Variants in CHST4 observed in about 807,000 individuals in gnomAD.
CHST4 encodes GST-3.
For missense variants in CHST4, 466 were observed against 506.0 expected (o/e 0.92, Z 0.76); for synonymous variants, 171 against 195.5 (o/e 0.87, Z 1.05).
Position 71,537,288 on chromosome 16 carries a change from T to C in CHST4, c.611T>C (p.Val204Ala). The C allele has an allele frequency of 1.2e-6, 2 of 1,614,106 alleles. No individual in the cohort carries two copies. The highest frequency in any genetic ancestry group is 1.6e-4 in the Middle Eastern group (1 of 6,062). The change falls in exon 2 of 2, where the codon GTC becomes GCC. Residue 204 changes from valine to alanine, a missense_variant. By Grantham distance (64) the Val-to-Ala change is moderately conservative. Coordinates refer to ENST00000539698, the MANE Select transcript of CHST4 (RefSeq NM_001166395.2). The surrounding 1 kb of genome is among the most constrained non-coding windows in gnomAD (Gnocchi z 4.2). Reference sequence around the variant, plus strand: ...CTCAACCTGCATATCGTGCACCTGGTCCGGGACCCCCGGGCCGTGTTCCGT... The same window carrying C: ...CTCAACCTGCATATCGTGCACCTGGCCCGGGACCCCCGGGCCGTGTTCCGT... ...PSLNLHIVHL[V>A]RDPRAVFRSR...
chr16:71,530,644 G>A (rs1362657972), intron 1 of CHST4, among the ~76,000 whole-genome samples: 4 of 152,032 alleles, frequency 2.6e-5, no homozygotes, highest in Non-Finnish European at 5.9e-5. Flanking sequence ...GGACACACCT[G>A]TGATCCCAGC....
intron 1 of CHST4, among the ~76,000 whole-genome samples, chr16:71,529,042 A>T (rs900512082): frequency 2.0e-5 from 3 of 150,258 alleles, no homozygotes; most frequent in African/African-American, 7.3e-5. Flanking sequence ...TTTTTAAATT[A>T]ATTTTTTGGG....
In CHST4 at chr16:71,538,101, T is replaced by C. The variant is rs991259787; in HGVS notation, c.*263T>C. ...TCTTCTTCTTTTCTTGATCTTCCTG[T>C]CTGGGCAGACTTCAGAGACTTTGTG... On this transcript the variant is annotated 3_prime_UTR_variant, in exon 2 of 2. Transcript: ENST00000539698. 4 of 501,230 alleles carry C rather than the reference T, an allele frequency of 8.0e-6. No individual in the cohort carries two copies. The highest frequency in any genetic ancestry group is 7.7e-5 in the African/African-American group (4 of 51,856). 31.0% of individuals were successfully genotyped at this position (501,230 alleles called of 1,614,324 possible). A position where few individuals can be genotyped will look rare whatever the true frequency, so the allele number is the denominator to read the frequency against.
At chr16:71,533,592 G>A (rs1247703040) in intron 1 of CHST4, among the ~76,000 whole-genome samples, 1 of 152,106 alleles carries the variant, frequency 6.6e-6, no homozygotes, top group Non-Finnish European at 1.5e-5. Flanking sequence ...AGAGGGGACT[G>A]ATTTGTCAGC....
At chr16:71,534,040 CAAA>C (rs573885766) in intron 1 of CHST4, among the ~76,000 whole-genome samples, 12 of 86,330 alleles carry the variant, frequency 1.4e-4, no homozygotes, top group Non-Finnish European at 1.7e-4. Flanking sequence ...GACCCCATCT[CAAA>C]AAAAAAAAAA....
chr16:71,529,372 C>T (rs1440450970), intron 1 of CHST4, among the ~76,000 whole-genome samples: 1 of 151,842 alleles, frequency 6.6e-6, no homozygotes. Context: ...GTAACTGAGA[C>T]GGCATGGGTA....
intron 1 of CHST4, 21 bp from the exon 2 acceptor site, chr16:71,536,639 C>A: frequency 7.2e-7 from 1 of 1,379,590 alleles, no homozygotes. Context: ...CAACTCCACC[C>A]TTTCTGTTTG....
Position 71,537,139 on chromosome 16 carries a change from C to T in CHST4, c.462C>T (p.Leu154=), listed in dbSNP as rs368762631. ...TCATCCCCCGGGCTCACTGCAGGCT[C>T]CTGTGCAGTCAACAGCCCTTTGAGG... is the stretch of plus-strand genomic sequence containing the variant. ...DEIIPRAHCR[L]LCSQQPFEVV... The change falls in exon 2 of 2, where the codon CTC becomes CTT. Residue 154 remains leucine, a synonymous_variant. Coordinates refer to ENST00000539698, the MANE Select transcript of CHST4 (RefSeq NM_001166395.2). The surrounding 1 kb of genome is among the most constrained non-coding windows in gnomAD (Gnocchi z 4.2). 37 of 1,614,026 alleles carry T rather than the reference C, an allele frequency of 2.3e-5. No individual in the cohort carries two copies. Among genetic ancestry groups the T allele is most frequent in the Admixed American group, 1.7e-5 (1 of 59,992 alleles).
chr16:71,528,881 C>T (rs980334929), intron 1 of CHST4, among the ~76,000 whole-genome samples: 5 of 152,166 alleles, frequency 3.3e-5, no homozygotes, highest in African/African-American at 7.2e-5. Flanking sequence ...ACCCATCTGG[C>T]ACCTTCGTGG....
intron 1 of CHST4, among the ~76,000 whole-genome samples, chr16:71,528,686 C>T (rs1396130454): frequency 2.0e-5 from 3 of 152,164 alleles, no homozygotes; most frequent in Non-Finnish European, 4.4e-5. Flanking sequence ...TTGTAAGGGG[C>T]ATAATCTCAT....
intron 1 of CHST4, among the ~76,000 whole-genome samples, chr16:71,529,969 G>A (rs958952313): frequency 6.6e-6 from 1 of 152,020 alleles, no homozygotes; most frequent in African/African-American, 2.4e-5. Flanking sequence ...CCAACATGGC[G>A]AATCCCCATT....
In CHST4 at chr16:71,536,936, G is replaced by A. The variant is rs557740212; in HGVS notation, c.259G>A (p.Ala87Thr). 15 of 1,612,504 alleles carry A rather than the reference G, an allele frequency of 9.3e-6. No homozygotes were observed. Among genetic ancestry groups the A allele is most frequent in the East Asian group, 2.2e-5 (1 of 44,814 alleles). ...GTGGATGACCTTCAAGCAGAGCACC[G>A]CCTGGATGCTGCACATGGCTGTGCG... ...HVWMTFKQSTAWMLHMAVRDL... is the reference protein window; with the variant it reads ...HVWMTFKQSTTWMLHMAVRDL... The change falls in exon 2 of 2, where the codon GCC becomes ACC. Residue 87 changes from alanine (A) to threonine (T), a missense_variant. Ala to Thr is a moderately conservative substitution (Grantham distance 58, BLOSUM62 0). Coordinates refer to ENST00000539698, the MANE Select transcript of CHST4 (RefSeq NM_001166395.2).
At chr16:71,533,025 T>A (rs1232302898) in intron 1 of CHST4, among the ~76,000 whole-genome samples, 2 of 151,850 alleles carry the variant, frequency 1.3e-5, no homozygotes, top group East Asian at 1.9e-4. Context: ...TAACTTGAAA[T>A]TTTTTTTTGA....
chr16:71,528,251 A>C (rs1353026726), intron 1 of CHST4, among the ~76,000 whole-genome samples: 1 of 15,832 alleles, frequency 6.3e-5, no homozygotes, highest in African/African-American at 6.6e-4. Flanking sequence ...CTTCATTTCA[A>C]AAAAAAAAAA....
chr16:71,533,167 A>G (rs542424767), intron 1 of CHST4, among the ~76,000 whole-genome samples: 38 of 152,270 alleles, frequency 2.5e-4, no homozygotes, highest in Admixed American at 1.4e-3. Context: ...TCATGCCTAT[A>G]TAATCCCAGC....
rs769332549 is a variant in CHST4 at position 71,536,845 on chromosome 16, T to C, written c.168T>C (p.Ser56=). The C allele has an allele frequency of 4.5e-6, 7 of 1,546,986 alleles. No individual in the cohort carries two copies. Among genetic ancestry groups the C allele is most frequent in the Admixed American group, 3.9e-5 (2 of 50,828 alleles). The stretch of plus-strand genomic sequence containing the variant: ...TGTCTTCCTGGCGCTCTGGCTCTTC[T>C]TTTGTGGGGCAGCTTTTTGGGCAGC... ...LVLSSWRSGS[S]FVGQLFGQHP... The change falls in exon 2 of 2, where the codon TCT becomes TCC. Residue 56 remains serine (S), a synonymous_variant. Transcript: ENST00000539698.
rs2043990197 is a variant in CHST4 at position 71,536,653 on chromosome 16, C to G, written c.-18-7C>G. 7.0e-7 allele frequency: 1 copy of G among 1,421,506 alleles called. No homozygotes were observed. The allele number at this position is 1,421,506 out of a possible 1,614,324, so 88.1% of individuals were successfully genotyped here. On this transcript the variant is annotated splice_region_variant and splice_polypyrimidine_tract_variant and intron_variant, in intron 1 of 1. Coordinates refer to ENST00000539698, the MANE Select transcript of CHST4 (RefSeq NM_001166395.2). ...CCAACTCCACCCTTTCTGTTTGTTC[C>G]TTAAAGGTCTTCCACTTCAGCACAA...
At chr16:71,530,754 A>G (rs535888161) in intron 1 of CHST4, among the ~76,000 whole-genome samples, 1 of 151,222 alleles carries the variant, frequency 6.6e-6, no homozygotes, top group South Asian at 2.1e-4. Flanking sequence ...ACCCTGGGCA[A>G]CAGAGTGAGA....
intron 1 of CHST4, among the ~76,000 whole-genome samples, chr16:71,532,590 T>G (rs2043956863): frequency 1.3e-5 from 2 of 152,146 alleles, no homozygotes; most frequent in Admixed American, 6.5e-5. Flanking sequence ...TCAGGGGACT[T>G]CCAAGGAAAA....
Sources: gnomAD v4.1 joint callset for allele counts (sites outside exome capture counted in the v4.1 genomes callset) on GRCh38, gnomAD v4.1.1 for gene constraint, Gnocchi (gnomAD v3.1) non-coding constraint, MANE v1.5 for transcripts, NCBI Gene and HGNC (gene_info 2026-07-23, HGNC 2026-07-21) for gene names.